Variants in CREB1 observed in about 807,000 individuals in gnomAD.
The protein encoded by CREB1 is cAMP responsive element binding protein 1.
Under a neutral mutation model 42.0 loss-of-function variants are expected in CREB1, and 2 were observed. The ratio of observed to expected loss-of-function variants is 0.05; its 90% CI spans 0.02 to 0.15. The LOEUF (loss-of-function observed/expected upper bound fraction) is 0.15, where lower values mean the gene tolerates loss of function less well. Ranked by LOEUF, CREB1 falls within the 10% of genes least tolerant of loss-of-function variation. The pLI is 1.00. For missense variants in CREB1, 199 were observed against 388.9 expected, an observed-to-expected ratio of 0.51 and a Z score of 4.11; for synonymous variants, 123 against 139.9, an observed-to-expected ratio of 0.88 and a Z score of 0.85.
At chr2:207,532,474 A>C (rs1325131737) in intron 1 of CREB1, among the ~76,000 whole-genome samples, 1 of 152,148 alleles carries the variant, frequency 6.6e-6, no homozygotes, top group East Asian at 1.9e-4. Flanking sequence ...AGAGATCGAG[A>C]CCATCCTGGC....
chr2:207,580,693 A>C (rs910632601), intron 7 of CREB1: 1 of 222,118 alleles, frequency 4.5e-6, no homozygotes, highest in Admixed American at 5.7e-5. Context: ...ATTCTAAAAG[A>C]AAGTGTAGAC....
chr2:207,582,806 T>G, intron 7 of CREB1: 1 of 308,086 alleles, frequency 3.2e-6, no homozygotes, highest in South Asian at 2.6e-5. Context: ...GGCAGAAGAA[T>G]TGTGCGAACC....
chr2:207,594,544 G>A (rs1234962986), intron 7 of CREB1, among the ~76,000 whole-genome samples: 1 of 152,170 alleles, frequency 6.6e-6, no homozygotes, highest in Non-Finnish European at 1.5e-5. Context: ...TTGGCATGCA[G>A]AGGGCCTTCC....
Position 207,598,455 on chromosome 2 carries a change from C to A in CREB1, c.*1397C>A, listed in dbSNP as rs756412562. 5 of 177,708 alleles carry A rather than the reference C, an allele frequency of 2.8e-5. No homozygotes were observed. Among genetic ancestry groups the A allele is most frequent in the Middle Eastern group, 4.0e-3 (2 of 496 alleles). 11.0% of individuals were successfully genotyped at this position (177,708 alleles called of 1,614,324 possible). ...ACTTTTAATTGTTACTCATTTTATT[C>A]ACTAAGCTCGATAAATCTAACAGTT... On this transcript the variant is annotated 3_prime_UTR_variant, in exon 8 of 8. Coordinates refer to ENST00000353267, the MANE Select transcript of CREB1 (RefSeq NM_004379.5).
chr2:207,597,622 A>G lies in CREB1; in HGVS notation c.*564A>G, dbSNP rs908644122. On this transcript the variant is annotated 3_prime_UTR_variant, in exon 8 of 8. Transcript: ENST00000353267. Reference sequence around the variant, plus strand: ...ATGGTATTGAAGGAATTAGAAATGAATTTGGAGTGCTTTTTATGTATGTTG... The same window carrying G: ...ATGGTATTGAAGGAATTAGAAATGAGTTTGGAGTGCTTTTTATGTATGTTG... 1 of 208,722 alleles carries G rather than the reference A, an allele frequency of 4.8e-6. No homozygotes were observed. Among genetic ancestry groups the G allele is most frequent in the African/African-American group, 2.3e-5 (1 of 44,002 alleles). 12.9% of individuals were successfully genotyped at this position (208,722 alleles called of 1,614,324 possible). A position where few individuals can be genotyped will look rare whatever the true frequency, so the allele number is the denominator to read the frequency against.
At chr2:207,530,489 C>T (rs1240010833) in intron 1 of CREB1, among the ~76,000 whole-genome samples, 1 of 144,504 alleles carries the variant, frequency 6.9e-6, no homozygotes, top group Non-Finnish European at 1.5e-5. Flanking sequence ...CCCGCCGCCG[C>T]CGCCGGGCCG....
chr2:207,573,006 G>T (rs2082431469), intron 5 of CREB1, among the ~76,000 whole-genome samples: 1 of 152,124 alleles, frequency 6.6e-6, no homozygotes, highest in South Asian at 2.1e-4. Flanking sequence ...TCTGCTCTTA[G>T]ATAGAAAATG....
At position 207,577,549 on chromosome 2, in the gene CREB1, A is replaced by G. The variant is rs751222079; in HGVS notation, c.733A>G (p.Thr245Ala). Residue 245 changes from threonine (T) to alanine (A), a missense_variant, in exon 7 of 8, where the codon ACT (threonine) becomes GCT (alanine). Thr to Ala is a moderately conservative substitution (Grantham distance 58). This residue lies in a region of CREB1 where 66 missense variants were observed against 88.1 expected (regional missense o/e 0.75). Transcript: ENST00000353267. ...VQTYQIRTAP[T>A]STIAPGVVMA... The stretch of plus-strand genomic sequence containing the variant: ...AACATACCAGATTCGCACAGCACCC[A>G]CTAGCACTATTGCCCCTGGAGTTGT... 1 of 1,613,992 alleles carries G rather than the reference A, an allele frequency of 6.2e-7. No individual in the cohort carries two copies.
At chr2:207,559,736 A>C (rs918019070) in intron 2 of CREB1, among the ~76,000 whole-genome samples, 1 of 152,218 alleles carries the variant, frequency 6.6e-6, no homozygotes, top group African/African-American at 2.4e-5. Flanking sequence ...CTTATTTAAC[A>C]TGATATTCTT....
intron 7 of CREB1, among the ~76,000 whole-genome samples, chr2:207,594,034 C>A (rs1351589992): frequency 1.3e-5 from 2 of 152,080 alleles, no homozygotes; most frequent in Non-Finnish European, 2.9e-5. Flanking sequence ...CCTCACAAAC[C>A]TTTTGAGGTA....
chr2:207,559,841 A>T (rs1298962174), intron 2 of CREB1, among the ~76,000 whole-genome samples: 1 of 152,172 alleles, frequency 6.6e-6, no homozygotes, highest in Non-Finnish European at 1.5e-5. Context: ...AAAAATGGAG[A>T]TCCTTATCAC....
intron 3 of CREB1, among the ~76,000 whole-genome samples, chr2:207,565,939 T>A (rs1296976523): frequency 6.6e-6 from 1 of 152,212 alleles, no homozygotes; most frequent in Non-Finnish European, 1.5e-5. Context: ...AGCTACTGAT[T>A]AACGTGAAAC....
rs577512461 is a variant in CREB1, at chr2:207,592,363, G to A, written c.840-4551G>A. ...CAGAGGTTGCAGTAGCCCAGATCAC[G>A]CCACTGCACTCCAGCCTGGCAACAG... On this transcript the variant is annotated intron_variant, in intron 7 of 7. Transcript: ENST00000353267. Among the ~76,000 whole-genome samples, 78 of 152,080 alleles carry A rather than the reference G, an allele frequency of 5.1e-4. 2 individuals carry two copies. Among genetic ancestry groups the A allele is most frequent in the African/African-American group, 1.6e-3 (68 of 41,488 alleles).
chr2:207,597,192 G>A lies in CREB1; in HGVS notation c.*134G>A. The A allele has an allele frequency of 2.2e-6, 2 of 924,536 alleles. No homozygotes were observed. The highest frequency in any genetic ancestry group is 3.1e-6 in the Non-Finnish European group (2 of 650,252). 57.3% of individuals were successfully genotyped at this position (924,536 alleles called of 1,614,324 possible). A position where few individuals can be genotyped will look rare whatever the true frequency, so the allele number is the denominator to read the frequency against. ...GCAAAACTGCCTGAAAGCAACTACA[G>A]AATTTCATTCATTTGTGCTTTTGCA... is the stretch of plus-strand genomic sequence containing the variant. On this transcript the variant is annotated 3_prime_UTR_variant, in exon 8 of 8. Transcript: ENST00000353267.
In CREB1 at chr2:207,605,122, AT is replaced by A. The variant is rs2087874316; in HGVS notation, c.*8067del. Among the ~76,000 whole-genome samples the A allele has an allele frequency of 6.6e-6, 1 of 152,144 alleles. No individual in the cohort carries two copies. The highest frequency in any genetic ancestry group is 2.4e-5 in the African/African-American group (1 of 41,424). ...TTGCTGGGTCATGTTGAAATCGCACATTTAACTTTTTGAGGAACTGTCAAAC... is the reference window on the plus strand; with the variant it reads ...TTGCTGGGTCATGTTGAAATCGCACATTAACTTTTTGAGGAACTGTCAAAC... On this transcript the variant is annotated 3_prime_UTR_variant, in exon 8 of 8. Coordinates refer to ENST00000353267, the MANE Select transcript of CREB1 (RefSeq NM_004379.5).
chr2:207,550,593 A>G (rs1378033451), intron 1 of CREB1: 1 of 152,148 alleles, frequency 6.6e-6, no homozygotes, highest in Non-Finnish European at 1.5e-5. Context: ...TTTTAAGGCG[A>G]AAGTATGTAT....
At chr2:207,561,766 A>C (rs1275708294) in intron 3 of CREB1, among the ~76,000 whole-genome samples, 3 of 152,182 alleles carry the variant, frequency 2.0e-5, no homozygotes, top group Non-Finnish European at 2.9e-5. Context: ...AGAACTGATT[A>C]ATATTTGTAG....
chr2:207,547,865 A>G (rs955759514), intron 1 of CREB1, among the ~76,000 whole-genome samples: 1 of 152,144 alleles, frequency 6.6e-6, no homozygotes, highest in Admixed American at 6.6e-5. Context: ...GAAAGGCGCT[A>G]TAGAGTTAGT....
At chr2:207,587,006 A>G (rs1410664878) in intron 7 of CREB1, among the ~76,000 whole-genome samples, 1 of 152,164 alleles carries the variant, frequency 6.6e-6, no homozygotes, top group Non-Finnish European at 1.5e-5. Flanking sequence ...AGAAAGGTGA[A>G]CTCTTTCTAA....
Sources: allele counts gnomAD v4.1 joint callset (sites outside exome capture counted in the v4.1 genomes callset), GRCh38; gene constraint gnomAD v4.1.1; regional missense constraint gnomAD v4.1.1; transcripts MANE v1.5; gene names NCBI Gene and HGNC (gene_info 2026-07-23, HGNC 2026-07-21).